SOX6: variants seen among roughly 807,000 people sequenced by gnomAD.
The protein encoded by SOX6 is transcription factor SOX-6.
Under a neutral mutation model 97.8 loss-of-function variants are expected in SOX6, and 11 were observed. The ratio of observed to expected loss-of-function variants is 0.11; its 90% CI spans 0.07 to 0.19. SOX6 has a LOEUF of 0.19. Among genes scored for constraint, SOX6 ranks in the 10% least tolerant of loss-of-function variants. The probability of loss-of-function intolerance (pLI) is 1.00; values close to 1 mark genes in which losing one functional copy is unlikely to be tolerated. For synonymous variants in SOX6, 360 were observed against 371.4 expected (o/e 0.97, Z 0.35); for missense variants, 810 against 1,039.5 (o/e 0.78, Z 3.04).
chr11:16,426,736 A>C (rs1859146472), intron 1 of SOX6, among the ~76,000 whole-genome samples: 1 of 151,592 alleles, frequency 6.6e-6, no homozygotes, highest in South Asian at 2.1e-4. Context: ...AAAACGGTGA[A>C]ACCCCGTCTC....
intron 9 of SOX6, among the ~76,000 whole-genome samples, chr11:16,063,220 C>T (rs1181488655): frequency 6.6e-6 from 1 of 151,038 alleles, no homozygotes; most frequent in African/African-American, 2.4e-5. Context: ...ATCTGTCTTC[C>T]ATTTGGATGT....
chr11:16,183,395 T>C (rs1180954746), intron 6 of SOX6, among the ~76,000 whole-genome samples: 3 of 152,018 alleles, frequency 2.0e-5, no homozygotes, highest in Non-Finnish European at 4.4e-5. Context: ...CACTCATTAA[T>C]CTCTCTATTC....
intron 4 of SOX6, among the ~76,000 whole-genome samples, chr11:16,194,830 T>C (rs752498465): frequency 6.6e-6 from 1 of 152,208 alleles, no homozygotes; most frequent in Non-Finnish European, 1.5e-5. Context: ...TTTTAGCCCA[T>C]TGTGCTTTAT....
Position 16,185,169 on chromosome 11 carries a change from T to C in SOX6, c.709-1215A>G, listed in dbSNP as rs117000698. Among the ~76,000 whole-genome samples the C allele has an allele frequency of 3.8e-4, 58 of 152,298 alleles. No individual in the cohort carries two copies. In the East Asian group the frequency reaches 9.1e-3, roughly 24 times the overall value. The stretch of plus-strand genomic sequence containing the variant: ...ATTTTGGATGACAACTGGTTCCTAC[T>C]GGAAGCCATGATAAAGCTGCCCCTA... On this transcript the variant is annotated intron_variant, in intron 5 of 15. Coordinates refer to ENST00000683767, the MANE Select transcript of SOX6 (RefSeq NM_001367873.1).
upstream of SOX6, among the ~76,000 whole-genome samples, chr11:16,359,496 G>T (rs191248518): frequency 1.3e-5 from 2 of 152,202 alleles, no homozygotes; most frequent in African/African-American, 2.4e-5. Flanking sequence ...GCCTTAGGAA[G>T]GATGACTCAT....
intron 12 of SOX6, among the ~76,000 whole-genome samples, chr11:16,041,108 C>G (rs1348866622): frequency 2.6e-5 from 4 of 152,032 alleles, no homozygotes; most frequent in Non-Finnish European, 5.9e-5. Flanking sequence ...GTCAACTGCT[C>G]ACAAAAATGA....
rs1348961592 is a variant in SOX6 at position 16,583,629 on chromosome 11, A to ATG, written n.609+28451_609+28452insCA. Among the ~76,000 whole-genome samples the ATG allele has an allele frequency of 6.4e-3, 895 of 140,102 alleles. 26 individuals carry two copies. Among genetic ancestry groups the ATG allele is most frequent in the African/African-American group, 0.02 (802 of 39,376 alleles). The allele number at this position is 140,102 out of a possible 152,430, so 91.9% of individuals were successfully genotyped here. The stretch of plus-strand genomic sequence containing the variant: ...TATATATATACATATATATATATAT[A>ATG]TATATATACACATACACACACCACA... On this transcript the variant is annotated intron_variant and non_coding_transcript_variant, in intron 4 of 5. Transcript: ENST00000524520.
chr11:16,227,026 C>T (rs61881700), intron 4 of SOX6, among the ~76,000 whole-genome samples: 90 of 152,170 alleles, frequency 5.9e-4, no homozygotes, highest in African/African-American at 2.0e-3. Flanking sequence ...ACTTTCTGAG[C>T]GACCCTGAAC....
intron 3 of SOX6, among the ~76,000 whole-genome samples, chr11:16,694,664 T>A (rs1202356838): frequency 6.6e-6 from 1 of 152,244 alleles, no homozygotes; most frequent in Admixed American, 6.5e-5. Context: ...TTATTACTCA[T>A]GCTGTCTTAT....
At chr11:16,396,810 G>A (rs551665246) in intron 1 of SOX6, among the ~76,000 whole-genome samples, 1 of 151,552 alleles carries the variant, frequency 6.6e-6, no homozygotes, top group African/African-American at 2.4e-5. Flanking sequence ...GCAGTCTTTA[G>A]TGGAAGAACA....
chr11:16,448,914 A>G (rs561572356), intron 1 of SOX6, among the ~76,000 whole-genome samples: 99 of 152,258 alleles, frequency 6.5e-4, no homozygotes, highest in Non-Finnish European at 1.1e-3. Context: ...GCACACTTAT[A>G]AAGCTGTATA....
Position 15,986,336 on chromosome 11 carries a change from T to G in SOX6, c.2051A>C (p.Lys684Thr). Residue 684 changes from lysine to threonine, a missense_variant, in exon 15 of 16, where the codon AAG becomes ACG. Coordinates refer to ENST00000683767, the MANE Select transcript of SOX6 (RefSeq NM_001367873.1). The part of the protein sequence containing the change: ...QARLSKIHLE[K>T]YPNYKYKPRP... ...GGGTTTGTATTTATAGTTTGGGTAC[T>G]TCTCTAAGTGGATCTTGCTTAGCCG... 1 of 1,614,152 alleles carries G rather than the reference T, an allele frequency of 6.2e-7. No homozygotes were observed. Among genetic ancestry groups the G allele is most frequent in the Non-Finnish European group, 8.5e-7 (1 of 1,180,016 alleles).
chr11:16,376,069 C>T lies in SOX6; in HGVS notation c.-4-34817G>A, dbSNP rs186343037. On this transcript the variant is annotated intron_variant, in intron 1 of 15. Coordinates refer to the SOX6 transcript ENST00000396356. ...GGGAGGGATAACATTAGGAGAAATA[C>T]CTAATGTAAATGACAGGTTGATGGG... Among the ~76,000 whole-genome samples the T allele has an allele frequency of 4.6e-3, 704 of 152,040 alleles. 5 individuals carry two copies. Among genetic ancestry groups the T allele is most frequent in the African/African-American group, 0.016 (681 of 41,472 alleles).
chr11:16,096,114 C>T lies in SOX6; in HGVS notation c.983G>A (p.Gly328Asp), dbSNP rs757453561. The T allele has an allele frequency of 7.5e-6, 12 of 1,610,446 alleles. No homozygotes were observed. The African/African-American group carries it at 9.4e-5, about 13-fold the overall frequency. ...SGLSPLQLQK[G>D]HVSHPQINQR... Reference sequence around the variant, plus strand: ...GTTAATTTGTGGGTGGGAGACATGACCCTTCTGTTTAGTAGCATATTCAGA... The same window carrying T: ...GTTAATTTGTGGGTGGGAGACATGATCCTTCTGTTTAGTAGCATATTCAGA... Residue 328 changes from glycine (G) to aspartate (D), a missense_variant, in exon 9 of 16, where the codon GGT (glycine) becomes GAT (aspartate). Gly to Asp is a moderately conservative substitution (Grantham distance 94). Coordinates refer to ENST00000683767, the MANE Select transcript of SOX6 (RefSeq NM_001367873.1).
At chr11:15,998,893 T>A (rs545439428) in intron 13 of SOX6, among the ~76,000 whole-genome samples, 1 of 152,158 alleles carries the variant, frequency 6.6e-6, no homozygotes, top group South Asian at 2.1e-4. Flanking sequence ...AACATATAAA[T>A]TACTAAATAT....
At chr11:16,624,843 T>TGTTTTA (rs899786220) in intron 3 of SOX6, among the ~76,000 whole-genome samples, 4 of 152,336 alleles carry the variant, frequency 2.6e-5, no homozygotes, top group African/African-American at 9.6e-5. Context: ...CTAGAGGATG[T>TGTTTTA]GTTTTAGTTT....
intron 1 of SOX6, among the ~76,000 whole-genome samples, chr11:16,416,909 A>G (rs553686069): frequency 6.6e-6 from 1 of 152,192 alleles, no homozygotes; most frequent in Admixed American, 6.5e-5. Flanking sequence ...AGACAGAAGT[A>G]TTCCATAGAA....
At chr11:16,390,239 C>A (rs1382770852) in intron 1 of SOX6, among the ~76,000 whole-genome samples, 1 of 144,918 alleles carries the variant, frequency 6.9e-6, no homozygotes, top group African/African-American at 2.8e-5. Context: ...AGTCTGTTGC[C>A]TTGATTCTCC....
At chr11:16,441,143 T>C (rs1859496484) in intron 1 of SOX6, among the ~76,000 whole-genome samples, 1 of 152,088 alleles carries the variant, frequency 6.6e-6, no homozygotes, top group Admixed American at 6.6e-5. Context: ...TAAGAATCTC[T>C]CCTCAGGTAC....
Sources: allele counts gnomAD v4.1 joint callset (sites outside exome capture counted in the v4.1 genomes callset), GRCh38; gene constraint gnomAD v4.1.1; transcripts MANE v1.5; gene names NCBI Gene and HGNC (gene_info 2026-07-23, HGNC 2026-07-21).